Variants in ILRUN observed in about 807,000 individuals in gnomAD.
ILRUN encodes the protein protein ILRUN.
In ILRUN, 3 loss-of-function variants were observed where a neutral mutation model predicts 33.8. That is an observed-to-expected ratio of 0.09 (90% CI 0.04 to 0.23). The LOEUF (loss-of-function observed/expected upper bound fraction) is 0.23. Among genes scored for constraint, ILRUN ranks in the 10% least tolerant of loss-of-function variants. The pLI is 1.00. For synonymous variants in ILRUN, 124 were observed against 138.9 expected, an observed-to-expected ratio of 0.89 and a Z score of 0.75; for missense variants, 210 against 375.1, an observed-to-expected ratio of 0.56 and a Z score of 3.64.
chr6:34,649,321 A>G (rs1468877487), intron 2 of ILRUN, among the ~76,000 whole-genome samples: 2 of 152,230 alleles, frequency 1.3e-5, no homozygotes, highest in African/African-American at 4.8e-5. Context: ...TCTGGACTAC[A>G]CTAAACATAC....
Position 34,646,529 on chromosome 6 carries a change from T to C in ILRUN, c.511+72A>G. On this transcript the variant is annotated intron_variant, in intron 3 of 4. Coordinates refer to ENST00000374023, the MANE Select transcript of ILRUN (RefSeq NM_024294.4). The surrounding 1 kb of genome is among the most constrained non-coding windows in gnomAD (Gnocchi z 4.9). The stretch of plus-strand genomic sequence containing the variant: ...CTGTTATGCAATTTGACAGGCTCTG[T>C]GAGCAACACTGGGGATGTTATAAGA... 1.4e-6 allele frequency: 2 copies of C among 1,468,840 alleles called. No individual in the cohort carries two copies. The highest frequency in any genetic ancestry group is 9.4e-7 in the Non-Finnish European group (1 of 1,065,548). The allele number at this position is 1,468,840 out of a possible 1,614,324, so 91.0% of individuals were successfully genotyped here. A position where few individuals can be genotyped will look rare whatever the true frequency, so the allele number is the denominator to read the frequency against.
intron 4 of ILRUN, among the ~76,000 whole-genome samples, chr6:34,599,057 T>C (rs1761457461): frequency 6.6e-6 from 1 of 152,206 alleles, no homozygotes; most frequent in African/African-American, 2.4e-5. Context: ...TGACACTAAG[T>C]GCATAAACTA....
At chr6:34,683,496 A>ATACACATATATATACATATATATGTG (rs1562033220) in intron 1 of ILRUN, among the ~76,000 whole-genome samples, 3 of 103,824 alleles carry the variant, frequency 2.9e-5, no homozygotes, top group African/African-American at 9.8e-5. Context: ...ACATATATAT[A>ATACACATATATATACATATATATGTG]TACATATATA....
intron 3 of ILRUN, among the ~76,000 whole-genome samples, chr6:34,632,755 C>A (rs1294333208): frequency 6.6e-6 from 1 of 151,622 alleles, no homozygotes; most frequent in East Asian, 2.0e-4. Context: ...GATCTCCTGA[C>A]CTTGTTATCT....
rs139804407 is a variant in ILRUN at position 34,593,978 on chromosome 6, G to A, written c.862-3378C>T. On this transcript the variant is annotated intron_variant, in intron 4 of 4. Transcript: ENST00000374023. ...TTCTGGATGGAGGTACTTTCAAACC[G>A]GGAGGCCCATCCACATTTCAGATTC... Among the ~76,000 whole-genome samples the A allele has an allele frequency of 3.7e-3, 560 of 152,238 alleles. 2 individuals are homozygous for A. The highest frequency in any genetic ancestry group is 6.8e-3 in the Middle Eastern group (2 of 292).
intron 4 of ILRUN, among the ~76,000 whole-genome samples, chr6:34,603,553 G>C (rs1431180782): frequency 2.0e-5 from 3 of 152,078 alleles, no homozygotes; most frequent in Non-Finnish European, 4.4e-5. Flanking sequence ...AGGATTGCTT[G>C]AGCCCAGGAA....
intron 4 of ILRUN, among the ~76,000 whole-genome samples, chr6:34,593,354 G>A (rs1396481091): frequency 6.6e-6 from 1 of 152,174 alleles, no homozygotes; most frequent in Non-Finnish European, 1.5e-5. Context: ...CCTTTATAAA[G>A]CAACCACTGG....
chr6:34,598,012 C>T (rs777996016), intron 4 of ILRUN, among the ~76,000 whole-genome samples: 1 of 152,226 alleles, frequency 6.6e-6, no homozygotes, highest in African/African-American at 2.4e-5. Flanking sequence ...TAGAATTCAA[C>T]ATACTTCATC....
chr6:34,634,921 A>G (rs1043443394), intron 3 of ILRUN, among the ~76,000 whole-genome samples: 3 of 152,204 alleles, frequency 2.0e-5, no homozygotes, highest in Admixed American at 1.3e-4. Flanking sequence ...ACAGAGCTGC[A>G]CTGTCCAAAA....
At chr6:34,680,589 T>A (rs756775088) in intron 1 of ILRUN, among the ~76,000 whole-genome samples, 10 of 151,986 alleles carry the variant, frequency 6.6e-5, no homozygotes, top group South Asian at 2.1e-4. Context: ...CTCAGCCTCC[T>A]GAGTAGCTGG....
chr6:34,615,616 A>C (rs576942729), intron 3 of ILRUN, among the ~76,000 whole-genome samples: 1 of 152,142 alleles, frequency 6.6e-6, no homozygotes, highest in East Asian at 1.9e-4. Flanking sequence ...AAAAACAAAA[A>C]CTGCAATAGA....
At chr6:34,607,018 A>C in intron 3 of ILRUN, 114 bp from the exon 4 acceptor site, 1 of 782,576 alleles carries the variant, frequency 1.3e-6, no homozygotes, top group Non-Finnish European at 2.0e-6. Context: ...ATTCTTCTAT[A>C]TGCTAGTTTT....
intron 1 of ILRUN, among the ~76,000 whole-genome samples, chr6:34,685,015 G>A (rs1221655054): frequency 6.6e-6 from 1 of 152,212 alleles, no homozygotes; most frequent in African/African-American, 2.4e-5. Flanking sequence ...TCTAGCAGTG[G>A]TATGTCCACA....
chr6:34,616,612 G>A, intron 3 of ILRUN: 1 of 1,573,592 alleles, frequency 6.4e-7, no homozygotes, highest in Non-Finnish European at 8.6e-7. Context: ...ATTTTGCAGA[G>A]CTGAAGATCA....
chr6:34,681,556 G>A (rs537819256), intron 1 of ILRUN, among the ~76,000 whole-genome samples: 1 of 152,226 alleles, frequency 6.6e-6, no homozygotes, highest in South Asian at 2.1e-4. Context: ...TTGAGCTCAG[G>A]AGTTTGAGAC....
At chr6:34,663,714 A>G (rs1020775525) in intron 1 of ILRUN, among the ~76,000 whole-genome samples, 2 of 152,226 alleles carry the variant, frequency 1.3e-5, no homozygotes, top group African/African-American at 4.8e-5. Flanking sequence ...TTTCAATTGT[A>G]CAATTCAATG....
intron 4 of ILRUN, among the ~76,000 whole-genome samples, chr6:34,601,710 C>CT (rs556146116): frequency 2.0e-5 from 3 of 148,162 alleles, no homozygotes; most frequent in Admixed American, 6.7e-5. Flanking sequence ...TACCCGCCCC[C>CT]CCAACTACTG....
chr6:34,624,045 T>C (rs1191613312), intron 3 of ILRUN, among the ~76,000 whole-genome samples: 1 of 152,174 alleles, frequency 6.6e-6, no homozygotes, highest in Non-Finnish European at 1.5e-5. Context: ...TTGGCCAGGC[T>C]GGTCTTGAAC....
At chr6:34,638,472 G>A (rs1762409615) in intron 3 of ILRUN, among the ~76,000 whole-genome samples, 1 of 152,086 alleles carries the variant, frequency 6.6e-6, no homozygotes, top group African/African-American at 2.4e-5. Context: ...CCAGCACTTT[G>A]GGAGGCTGAA....
Sources: allele counts gnomAD v4.1 joint callset (sites outside exome capture counted in the v4.1 genomes callset), GRCh38; gene constraint gnomAD v4.1.1; non-coding constraint Gnocchi (gnomAD v3.1); transcripts MANE v1.5; gene names NCBI Gene and HGNC (gene_info 2026-07-23, HGNC 2026-07-21).